Variants in PDGFC observed in about 807,000 individuals in gnomAD.
PDGFC encodes the protein platelet-derived growth factor C.
A neutral mutation model predicts 35.5 loss-of-function variants in PDGFC; 12 were observed. The observed-to-expected ratio is 0.34, with a 90% CI of 0.22 to 0.55. The LOEUF (loss-of-function observed/expected upper bound fraction) is 0.55, where lower values mean the gene tolerates loss of function less well. PDGFC is among the 20% of genes least tolerant of loss of function. The probability of loss-of-function intolerance (pLI) is 0.91; values close to 1 mark genes in which losing one functional copy is unlikely to be tolerated. For synonymous variants in PDGFC, 159 were observed against 148.8 expected (o/e 1.07, Z -0.50); for missense variants, 322 against 412.4 (o/e 0.78, Z 1.90).
chr4:156,778,464 CT>C lies in PDGFC; in HGVS notation c.496-5572del, dbSNP rs140967156. Among the ~76,000 whole-genome samples the C allele has an allele frequency of 6.4e-3, 973 of 152,282 alleles. 15 individuals are homozygous for C. Among genetic ancestry groups the C allele is most frequent in the African/African-American group, 0.023 (939 of 41,576 alleles). ...AACAAGCTCAAGACAGCAAGTTTGG[CT>C]GCAAAAGTTAAGTTTTCTTATTGAC... On this transcript the variant is annotated intron_variant, in intron 3 of 5. Transcript: ENST00000502773.
At chr4:156,847,527 T>G (rs75668821) in intron 2 of PDGFC, among the ~76,000 whole-genome samples, 2 of 151,796 alleles carry the variant, frequency 1.3e-5, no homozygotes, top group Admixed American at 1.3e-4. Context: ...CTAAATGCAA[T>G]GAGTTTAATC....
At chr4:156,796,165 T>A (rs17035268) in intron 3 of PDGFC, among the ~76,000 whole-genome samples, 10,878 of 152,158 alleles carry the variant, frequency 0.071, 1,298 homozygotes, top group African/African-American at 0.25. Context: ...AGAAAAAAAG[T>A]TTTCCTCCTT....
At chr4:156,765,091 A>G (rs1305207856) in intron 5 of PDGFC, among the ~76,000 whole-genome samples, 1 of 152,214 alleles carries the variant, frequency 6.6e-6, no homozygotes, top group East Asian at 1.9e-4. Context: ...GCTGATGCTC[A>G]TGGAGATTTA....
chr4:156,967,426 A>G (rs1422515617), intron 1 of PDGFC: 1 of 152,222 alleles, frequency 6.6e-6, no homozygotes, highest in African/African-American at 2.4e-5. Context: ...CCTTGAGAAA[A>G]AGAACACATA....
At chr4:156,903,973 CT>C (rs1730854795) in intron 1 of PDGFC, among the ~76,000 whole-genome samples, 1 of 152,116 alleles carries the variant, frequency 6.6e-6, no homozygotes, top group African/African-American at 2.4e-5. Flanking sequence ...TGATGCCTGC[CT>C]TTGAATGCTT....
chr4:156,898,628 T>G (rs548396295), intron 1 of PDGFC, among the ~76,000 whole-genome samples: 1 of 142,312 alleles, frequency 7.0e-6, no homozygotes, highest in Non-Finnish European at 1.5e-5. Flanking sequence ...CTCAGGATAA[T>G]AGAAGCTTCC....
intron 5 of PDGFC, among the ~76,000 whole-genome samples, chr4:156,764,136 C>T (rs1016417741): frequency 1.3e-5 from 2 of 152,176 alleles, no homozygotes; most frequent in African/African-American, 4.8e-5. Flanking sequence ...TCTAGCATCT[C>T]TACTTTTTGG....
intron 1 of PDGFC, among the ~76,000 whole-genome samples, chr4:156,906,425 T>A (rs1364905116): frequency 1.3e-5 from 2 of 152,120 alleles, no homozygotes; most frequent in Non-Finnish European, 2.9e-5. Flanking sequence ...GTAGGAATAA[T>A]CACTTTCACC....
chr4:156,939,905 A>G (rs1731766930), intron 1 of PDGFC, among the ~76,000 whole-genome samples: 1 of 152,134 alleles, frequency 6.6e-6, no homozygotes, highest in Admixed American at 6.6e-5. Flanking sequence ...CTGTAAAGGA[A>G]GTTACTGAAA....
intron 3 of PDGFC, among the ~76,000 whole-genome samples, chr4:156,789,455 G>A (rs530816718): frequency 1.0e-3 from 152 of 152,230 alleles, no homozygotes; most frequent in African/African-American, 3.6e-3. Context: ...CAAAGACTGG[G>A]TGTAACTACA....
chr4:156,789,976 C>CAAAA (rs750843965), intron 3 of PDGFC, among the ~76,000 whole-genome samples: 336 of 53,574 alleles, frequency 6.3e-3, no homozygotes, highest in East Asian at 0.012. Flanking sequence ...GTCTCCATCT[C>CAAAA]AAAAAAAAAA....
At chr4:156,803,717 C>A (rs1731678943) in intron 3 of PDGFC, among the ~76,000 whole-genome samples, 1 of 151,682 alleles carries the variant, frequency 6.6e-6, no homozygotes, top group Non-Finnish European at 1.5e-5. Context: ...GAAACAGGTG[C>A]AAAATTAACT....
intron 1 of PDGFC, among the ~76,000 whole-genome samples, chr4:156,955,753 A>C (rs1438899918): frequency 6.6e-6 from 1 of 151,964 alleles, no homozygotes; most frequent in Admixed American, 6.6e-5. Context: ...AGTGGTGCCC[A>C]AGCATCTCAT....
chr4:156,793,187 A>G (rs2110887479), intron 3 of PDGFC, among the ~76,000 whole-genome samples: 1 of 152,296 alleles, frequency 6.6e-6, no homozygotes, highest in East Asian at 1.9e-4. Context: ...AAATGTTGAT[A>G]GAAGACTTTA....
chr4:156,941,978 G>GTT (rs1339148364), intron 1 of PDGFC, among the ~76,000 whole-genome samples: 1 of 152,134 alleles, frequency 6.6e-6, no homozygotes, highest in African/African-American at 2.4e-5. Context: ...TGATCTATTA[G>GTT]TGAATAAAGG....
In PDGFC at chr4:156,914,525, C is replaced by T. The variant is rs551605532; in HGVS notation, c.118+56261G>A. Among the ~76,000 whole-genome samples the T allele has an allele frequency of 2.6e-5, 4 of 152,290 alleles. No homozygotes were observed. In the East Asian group the frequency reaches 7.7e-4, roughly 29 times the overall value. Reference sequence around the variant, plus strand: ...CTATAACAAGAACTCACGGCTATTGCCAAAGTTATCACTGATCCCTTAACT... The same window carrying T: ...CTATAACAAGAACTCACGGCTATTGTCAAAGTTATCACTGATCCCTTAACT... On this transcript the variant is annotated intron_variant, in intron 1 of 5. Transcript: ENST00000502773.
chr4:156,902,056 C>A (rs115830289), intron 1 of PDGFC, among the ~76,000 whole-genome samples: 2,487 of 152,180 alleles, frequency 0.016, 73 homozygotes, highest in African/African-American at 0.057. Context: ...TGGAGTCCTC[C>A]ACATAAAGAT....
At chr4:156,765,478 G>A (rs187302076) in intron 5 of PDGFC, among the ~76,000 whole-genome samples, 50 of 152,234 alleles carry the variant, frequency 3.3e-4, no homozygotes, top group Admixed American at 8.5e-4. Flanking sequence ...TGCTCAACAC[G>A]TTCAAACAAA....
At chr4:156,804,219 CAAAT>C (rs1237646113) in intron 3 of PDGFC, among the ~76,000 whole-genome samples, 3 of 150,654 alleles carry the variant, frequency 2.0e-5, no homozygotes, top group African/African-American at 4.9e-5. Flanking sequence ...AATAAATAAA[CAAAT>C]AAATAAATAA....
Sources: gnomAD v4.1 joint callset for allele counts (sites outside exome capture counted in the v4.1 genomes callset) on GRCh38, gnomAD v4.1.1 for gene constraint, MANE v1.5 for transcripts, NCBI Gene and HGNC (gene_info 2026-07-23, HGNC 2026-07-21) for gene names.